The following KIF9 variants were observed in gnomAD, a reference collection of about 807,000 sequenced individuals.
KIF9 encodes the protein kinesin family member 9.
A neutral mutation model predicts 94.8 loss-of-function variants in KIF9; 68 were observed. The ratio of observed to expected loss-of-function variants is 0.72; its 90% CI spans 0.59 to 0.88. KIF9 has a LOEUF of 0.88. Ranked by LOEUF, KIF9 falls within the 40% of genes least tolerant of loss-of-function variation. The pLI, the probability that KIF9 is intolerant of heterozygous loss-of-function variation, is 0.00. For missense variants in KIF9, 882 were observed against 982.5 expected (o/e 0.90, Z 1.37); for synonymous variants, 343 against 362.1 (o/e 0.95, Z 0.60).
rs1559464849 is a variant in KIF9 at position 47,271,286 on chromosome 3, GACAAGCCCTTAATGAAGACT to G, written c.522_541del (p.Val175SerfsTer16). ...CTCCTCCTGACTTGTGAGGTGAACT[GACAAGCCCTTAATGAAGACT>G]CCTTGAGGGTTTTCCACGATGGTCA... On this transcript the variant is annotated frameshift_variant, in exon 5 of 21. Transcript: ENST00000684063. LOFTEE classifies it high-confidence loss of function. 4 of 1,614,104 alleles carry G rather than the reference GACAAGCCCTTAATGAAGACT, an allele frequency of 2.5e-6. No homozygotes were observed. Among genetic ancestry groups the G allele is most frequent in the African/African-American group, 1.3e-5 (1 of 75,028 alleles).
chr3:47,250,136 T>C (rs1043259110), intron 10 of KIF9, among the ~76,000 whole-genome samples: 2 of 152,210 alleles, frequency 1.3e-5, no homozygotes, highest in African/African-American at 4.8e-5. Context: ...TTTTGCCTTT[T>C]AACATATTCT....
At chr3:47,251,887 G>A (rs1412772885) in intron 10 of KIF9, among the ~76,000 whole-genome samples, 1 of 152,126 alleles carries the variant, frequency 6.6e-6, no homozygotes, top group Non-Finnish European at 1.5e-5. Flanking sequence ...CAGAGTGGGA[G>A]GGTCACTGCA....
At chr3:47,231,202 T>C (rs1272186277) in intron 20 of KIF9, among the ~76,000 whole-genome samples, 1 of 151,716 alleles carries the variant, frequency 6.6e-6, no homozygotes, top group African/African-American at 2.4e-5. Flanking sequence ...AAGATAACGG[T>C]TCCAATATTC....
At chr3:47,238,051 T>C (rs1699166822) in intron 17 of KIF9, among the ~76,000 whole-genome samples, 1 of 152,218 alleles carries the variant, frequency 6.6e-6, no homozygotes, top group South Asian at 2.1e-4. Flanking sequence ...AGAAAAAGAG[T>C]TGAATTTAAA....
chr3:47,275,095 TAG>T lies in KIF9; in HGVS notation c.259+228_259+229del, dbSNP rs1701874512. The T allele has an allele frequency of 9.9e-6, 5 of 505,902 alleles. No homozygotes were observed. The East Asian group carries it at 1.6e-4, about 16-fold the overall frequency. 31.3% of individuals were successfully genotyped at this position (505,902 alleles called of 1,614,324 possible). On this transcript the variant is annotated intron_variant, in intron 3 of 20. Transcript: ENST00000684063. ...AGGATAATTGAACCCCTGTGACCTA[TAG>T]AGAGCCATAGTCTTTTAATTTTCCT...
At chr3:47,265,366 C>T (rs190404404) in intron 8 of KIF9, among the ~76,000 whole-genome samples, 9 of 152,202 alleles carry the variant, frequency 5.9e-5, no homozygotes, top group Non-Finnish European at 1.0e-4. Context: ...ACAAAGCCCC[C>T]GCTGCTCTGT....
intron 4 of KIF9, among the ~76,000 whole-genome samples, chr3:47,272,974 G>T (rs867075505): frequency 3.9e-5 from 6 of 152,316 alleles, no homozygotes; most frequent in Middle Eastern, 3.4e-3. Flanking sequence ...GGCAGCTTTT[G>T]CCTCCTACCT....
intron 1 of KIF9, chr3:47,282,195 T>C: frequency 1.0e-6 from 1 of 985,404 alleles, no homozygotes; most frequent in Non-Finnish European, 1.2e-6. Flanking sequence ...GTTCGAAAAC[T>C]GACTAGTACG....
chr3:47,282,559 C>G lies in KIF9; in HGVS notation c.-70G>C, dbSNP rs1249959177. ...CAACCGAAACCACCTGCACTCCCCA[C>G]GCGGGGCTGCCTGGCTGTGTACATA... On this transcript the variant is annotated 5_prime_UTR_variant, in exon 1 of 21. Coordinates refer to ENST00000684063, the MANE Select transcript of KIF9 (RefSeq NM_182902.4). 1 of 1,020,470 alleles carries G rather than the reference C, an allele frequency of 9.8e-7. No homozygotes were observed. Among genetic ancestry groups the G allele is most frequent in the African/African-American group, 1.7e-5 (1 of 57,858 alleles). The allele number at this position is 1,020,470 out of a possible 1,614,324, so 63.2% of individuals were successfully genotyped here. A position where few individuals can be genotyped will look rare whatever the true frequency, so the allele number is the denominator to read the frequency against.
intron 1 of KIF9, chr3:47,280,815 C>T: frequency 1.5e-6 from 1 of 670,308 alleles, no homozygotes; most frequent in Non-Finnish European, 2.7e-6. Flanking sequence ...CCCATGCTGA[C>T]ACCATGGCTC....
At chr3:47,264,409 G>A in intron 8 of KIF9, 59 bp from the exon 9 acceptor site, 1 of 1,355,708 alleles carries the variant, frequency 7.4e-7, no homozygotes, top group African/African-American at 1.4e-5. Flanking sequence ...CTCCAAAGGA[G>A]TTGATGGGGT....
chr3:47,269,532 T>C (rs1305183467), intron 5 of KIF9, among the ~76,000 whole-genome samples: 2 of 152,180 alleles, frequency 1.3e-5, no homozygotes, highest in African/African-American at 4.8e-5. Flanking sequence ...TCCACCCGCC[T>C]TGGCCTCCCA....
At position 47,282,692 on chromosome 3, in the gene KIF9, G is replaced by T; in HGVS notation, c.-203C>A. On this transcript the variant is annotated 5_prime_UTR_variant, in exon 1 of 21. Transcript: ENST00000684063. ...TACGGGTGAGGTCATGGCCGAATCG[G>T]GAAGACGAGAGATGGGGCCGATTGA... is the stretch of plus-strand genomic sequence containing the variant. 1 of 1,352,066 alleles carries T rather than the reference G, an allele frequency of 7.4e-7. No homozygotes were observed. Among genetic ancestry groups the T allele is most frequent in the Non-Finnish European group, 9.6e-7 (1 of 1,046,372 alleles). 83.8% of individuals were successfully genotyped at this position (1,352,066 alleles called of 1,614,324 possible). A position where few individuals can be genotyped will look rare whatever the true frequency, so the allele number is the denominator to read the frequency against.
chr3:47,278,837 T>C (rs1318589890), intron 1 of KIF9, among the ~76,000 whole-genome samples: 1 of 151,934 alleles, frequency 6.6e-6, no homozygotes, highest in Non-Finnish European at 1.5e-5. Flanking sequence ...CTAGTTGTGG[T>C]GGCAGACGCC....
In KIF9 at chr3:47,282,692, G is replaced by A; in HGVS notation, c.-203C>T. The stretch of plus-strand genomic sequence containing the variant: ...TACGGGTGAGGTCATGGCCGAATCG[G>A]GAAGACGAGAGATGGGGCCGATTGA... On this transcript the variant is annotated 5_prime_UTR_variant, in exon 1 of 21. Coordinates refer to ENST00000684063, the MANE Select transcript of KIF9 (RefSeq NM_182902.4). 2.2e-6 allele frequency: 3 copies of A among 1,352,064 alleles called. No individual in the cohort carries two copies. Among genetic ancestry groups the A allele is most frequent in the Non-Finnish European group, 1.9e-6 (2 of 1,046,372 alleles). The allele number at this position is 1,352,064 out of a possible 1,614,324, so 83.8% of individuals were successfully genotyped here.
chr3:47,269,956 G>A (rs1701535066), intron 5 of KIF9, among the ~76,000 whole-genome samples: 1 of 151,940 alleles, frequency 6.6e-6, no homozygotes. Context: ...TTGTAGTAGA[G>A]ACGGGGTTTC....
At chr3:47,254,436 T>TGACATAGG (rs1700447871) in intron 10 of KIF9, among the ~76,000 whole-genome samples, 1 of 152,042 alleles carries the variant, frequency 6.6e-6, no homozygotes, top group African/African-American at 2.4e-5. Flanking sequence ...CCAGCCTGGG[T>TGACATAGG]GAGACTCCAT....
intron 5 of KIF9, among the ~76,000 whole-genome samples, chr3:47,269,222 T>TA (rs902722777): frequency 1.3e-5 from 2 of 152,206 alleles, no homozygotes; most frequent in Non-Finnish European, 2.9e-5. Context: ...AGAACTTGCA[T>TA]AAAAAAATAA....
chr3:47,260,051 T>C (rs1038537338), intron 9 of KIF9, among the ~76,000 whole-genome samples: 6 of 111,372 alleles, frequency 5.4e-5, no homozygotes, highest in African/African-American at 2.1e-4. Flanking sequence ...CCCTGGGCAA[T>C]GGAATGTCTC....
Sources: allele counts gnomAD v4.1 joint callset (sites outside exome capture counted in the v4.1 genomes callset), GRCh38; gene constraint gnomAD v4.1.1; transcripts MANE v1.5; gene names NCBI Gene and HGNC (gene_info 2026-07-23, HGNC 2026-07-21).